The following OXA1L variants were observed in gnomAD, a reference collection of about 807,000 sequenced individuals.
OXA1L encodes OXA1L mitochondrial inner membrane insertase, also known as mitochondrial inner membrane protein OXA1L.
OXA1L carries 42 observed loss-of-function variants against 52.2 expected under a neutral mutation model. The ratio of observed to expected loss-of-function variants is 0.80; its 90% CI spans 0.63 to 1.04. OXA1L has a LOEUF of 1.04. Among genes scored for constraint, OXA1L ranks in the 50% least tolerant of loss-of-function variants. The probability of loss-of-function intolerance (pLI) is 0.00; values close to 1 mark genes in which losing one functional copy is unlikely to be tolerated. For missense variants in OXA1L, 572 were observed against 555.0 expected (o/e 1.03, Z -0.31); for synonymous variants, 239 against 201.9 (o/e 1.18, Z -1.56).
In OXA1L at chr14:22,770,220, T is replaced by C; in HGVS notation, c.611T>C (p.Leu204Pro). 1.2e-5 allele frequency: 19 copies of C among 1,612,572 alleles called. No homozygotes were observed. The highest frequency in any genetic ancestry group is 1.6e-5 in the Non-Finnish European group (19 of 1,178,606). ...EYYKASSEMA[L>P]YQKKHGIKLY... ...TACAAGGCTTCCTCGGAGATGGCAC[T>C]TTACCAGAAAAAACATGGTATTAAA... Residue 204 changes from leucine to proline, a missense_variant, in exon 5 of 10, where the codon CTT (leucine) becomes CCT (proline). Around this residue, in one of 5 missense-constraint regions of OXA1L, gnomAD observed 132 missense variants for 124.0 expected, o/e 1.06. Coordinates refer to ENST00000612549, the MANE Select transcript of OXA1L (RefSeq NM_005015.5).
At chr14:22,770,091 C>G (rs1344935395) in intron 4 of OXA1L, 102 bp from the exon 5 acceptor site, 1 of 1,345,046 alleles carries the variant, frequency 7.4e-7, no homozygotes, top group Non-Finnish European at 1.1e-6. Context: ...CAAGGAGTGG[C>G]CAGGGTTGGT....
rs150209502 is a variant in OXA1L, at chr14:22,770,237, G to A, written c.628G>A (p.Gly210Ser). The A allele has an allele frequency of 1.4e-5, 23 of 1,612,312 alleles. No homozygotes were observed. In the African/African-American group the frequency reaches 2.8e-4, roughly 20 times the overall value. ...SEMALYQKKH[G>S]IKLYKPLILP... ...GATGGCACTTTACCAGAAAAAACAT[G>A]GTATTAAACTCTATAAACCTCTCAT... Residue 210 changes from glycine to serine, a missense_variant, in exon 5 of 10, where the codon GGT (glycine) becomes AGT (serine). By Grantham distance (56) the Gly-to-Ser change is moderately conservative. This residue lies in a region of OXA1L where 132 missense variants were observed against 124.0 expected (regional missense o/e 1.06). Coordinates refer to ENST00000612549, the MANE Select transcript of OXA1L (RefSeq NM_005015.5).
chr14:22,767,471 G>C (rs1158871030), intron 2 of OXA1L, 62 bp downstream of exon 2: 2 of 1,472,032 alleles, frequency 1.4e-6, no homozygotes, highest in Non-Finnish European at 1.8e-6. Flanking sequence ...TTCATATTTT[G>C]TTTTGTTTGG....
Position 22,770,247 on chromosome 14 carries a change from T to C in OXA1L, c.638T>C (p.Leu213Pro). The C allele has an allele frequency of 6.2e-7, 1 of 1,611,276 alleles. No homozygotes were observed. Among genetic ancestry groups the C allele is most frequent in the Non-Finnish European group, 8.5e-7 (1 of 1,177,428 alleles). Residue 213 changes from leucine to proline, a missense_variant, in exon 5 of 10, where the codon CTC (leucine) becomes CCC (proline). Around this residue, in one of 5 missense-constraint regions of OXA1L, gnomAD observed 132 missense variants for 124.0 expected, o/e 1.06. Coordinates refer to ENST00000612549, the MANE Select transcript of OXA1L (RefSeq NM_005015.5). ...TACCAGAAAAAACATGGTATTAAACTCTATAAACCTCTCATTCTCCCTGTG... is the reference window on the plus strand; with the variant it reads ...TACCAGAAAAAACATGGTATTAAACCCTATAAACCTCTCATTCTCCCTGTG... Reference protein sequence around the residue: ...ALYQKKHGIKLYKPLILPVTQ... With the variant: ...ALYQKKHGIKPYKPLILPVTQ...
rs148216086 is a variant in OXA1L, at chr14:22,771,504, T to TAGC, written c.1265_1267dup (p.Ser422dup). 0.27 allele frequency: 437,922 copies of TAGC among 1,611,336 alleles called. 60,630 individuals are homozygous for TAGC. The highest frequency in any genetic ancestry group is 0.36 in the South Asian group (32,879 of 90,966). Reference sequence around the variant, plus strand: ...GAAAGGATAACCCTCCCAATATCCCTAGCAGCAGCAGCAAACCAAAGTCAA... The same window carrying TAGC: ...GAAAGGATAACCCTCCCAATATCCCTAGCAGCAGCAGCAGCAAACCAAAGTCAA... On this transcript the variant is annotated inframe_insertion, in exon 10 of 10. Transcript: ENST00000612549.
chr14:22,770,414 T>C, intron 5 of OXA1L, 47 bp from the exon 6 acceptor site: 1 of 1,599,786 alleles, frequency 6.3e-7, no homozygotes, highest in Non-Finnish European at 8.6e-7. Context: ...GTGATGAAAA[T>C]GTTCTCTCTG....
At position 22,769,677 on chromosome 14, in the gene OXA1L, T is replaced by A. The variant is rs2038440464; in HGVS notation, c.440-114T>A. ...TATTTCTGGGCCTCTTAGGCATGAG[T>A]CATAGAATGGACAAGGCAAGAATAA... is the stretch of plus-strand genomic sequence containing the variant. On this transcript the variant is annotated intron_variant, in intron 3 of 9. Transcript: ENST00000612549. 3 of 1,108,840 alleles carry A rather than the reference T, an allele frequency of 2.7e-6. No homozygotes were observed. In the Admixed American group the frequency reaches 5.8e-5, roughly 21 times the overall value. 68.7% of individuals were successfully genotyped at this position (1,108,840 alleles called of 1,614,324 possible).
Position 22,771,403 on chromosome 14 carries a change from C to T in OXA1L, c.1184-31C>T, listed in dbSNP as rs140080981. On this transcript the variant is annotated intron_variant, in intron 9 of 9. Transcript: ENST00000612549. ...CTTTTGTTTCTTCCTTTCTGTTCTT[C>T]GTTGAAATTTGTTTTCTCTTCTCCC... 3.8e-4 allele frequency: 621 copies of T among 1,613,924 alleles called. 3 individuals carry two copies. Among genetic ancestry groups the T allele is most frequent in the South Asian group, 2.1e-3 (188 of 91,072 alleles).
In OXA1L at chr14:22,770,547, G is replaced by A; in HGVS notation, c.756G>A (p.Trp252Ter). ...VPSLQTGGLW[W>*]FQDLTVSDPI... ...GCCTGCAGACAGGTGGCCTCTGGTGGTTCCAGGATCTCACGGTATCCGATC... is the reference window on the plus strand; with the variant it reads ...GCCTGCAGACAGGTGGCCTCTGGTGATTCCAGGATCTCACGGTATCCGATC... The change falls in exon 6 of 10, where the codon TGG becomes TGA. Residue 252 changes from tryptophan to a stop codon, truncating the protein, a stop_gained. Coordinates refer to ENST00000612549, the MANE Select transcript of OXA1L (RefSeq NM_005015.5). LOFTEE classifies it high-confidence loss of function. 6.2e-7 allele frequency: 1 copy of A among 1,614,136 alleles called. No individual in the cohort carries two copies. The highest frequency in any genetic ancestry group is 8.5e-7 in the Non-Finnish European group (1 of 1,180,006).
chr14:22,768,362 G>C, intron 3 of OXA1L, 191 bp downstream of exon 3: 1 of 589,114 alleles, frequency 1.7e-6, no homozygotes, highest in South Asian at 2.0e-5. Context: ...AAAACCACCA[G>C]ATCATCTGGG....
chr14:22,766,717 A>G lies in OXA1L; in HGVS notation c.16A>G (p.Met6Val), dbSNP rs148602805. 177 of 1,614,268 alleles carry G rather than the reference A, an allele frequency of 1.1e-4. No homozygotes were observed. In the African/African-American group the frequency reaches 1.9e-3, roughly 18 times the overall value. Residue 6 changes from methionine (M) to valine (V), a missense_variant, in exon 1 of 10, where the codon ATG (methionine) becomes GTG (valine). Physicochemically the swap from Met to Val is conservative, Grantham distance 21 (BLOSUM62 1). Around this residue, in one of 5 missense-constraint regions of OXA1L, gnomAD observed 186 missense variants for 151.8 expected, o/e 1.23. Transcript: ENST00000612549. MAMGLMCGRRELLRLL... is the reference protein window; with the variant it reads MAMGLVCGRRELLRLL... ...TCCGGGCAAAATGGCGATGGGACTA[A>G]TGTGCGGACGCCGGGAGCTTCTGCG...
intron 5 of OXA1L, 25 bp downstream of exon 5, chr14:22,770,303 A>G (rs2075846): frequency 0.44 from 682,864 of 1,553,570 alleles, 158,299 homozygotes; most frequent in East Asian, 0.69. Flanking sequence ...TTCCTTCCTT[A>G]TTTCATCCAG....
Position 22,770,457 on chromosome 14 carries a change from A to T in OXA1L, c.670-4A>T. On this transcript the variant is annotated splice_region_variant and splice_polypyrimidine_tract_variant and intron_variant, in intron 5 of 9. Coordinates refer to ENST00000612549, the MANE Select transcript of OXA1L (RefSeq NM_005015.5). ...ATGCTGACACTGTTTATCTTGTGTA[A>T]TAGGCCCCAATCTTCATCTCCTTCT... is the stretch of plus-strand genomic sequence containing the variant. 3 of 1,612,530 alleles carry T rather than the reference A, an allele frequency of 1.9e-6. No homozygotes were observed. Among genetic ancestry groups the T allele is most frequent in the Non-Finnish European group, 2.5e-6 (3 of 1,178,676 alleles).
At chr14:22,767,876 C>T in intron 2 of OXA1L, 82 bp from the exon 3 acceptor site, 1 of 1,063,398 alleles carries the variant, frequency 9.4e-7, no homozygotes, top group Non-Finnish European at 1.4e-6. Context: ...GAACAGAACC[C>T]AGTACTGGTT....
In OXA1L at chr14:22,770,202, C is replaced by T; in HGVS notation, c.593C>T (p.Ala198Val). 6.2e-7 allele frequency: 1 copy of T among 1,608,050 alleles called. No individual in the cohort carries two copies. The highest frequency in any genetic ancestry group is 8.5e-7 in the Non-Finnish European group (1 of 1,174,478). Residue 198 changes from alanine (A) to valine (V), a missense_variant, in exon 5 of 10, where the codon GCT (alanine) becomes GTT (valine). Transcript: ENST00000612549. ...LAGDHIEYYKASSEMALYQKK... is the reference protein window; with the variant it reads ...LAGDHIEYYKVSSEMALYQKK... ...TCCCCTCACCTCACAGATTACAAGG[C>T]TTCCTCGGAGATGGCACTTTACCAG...
chr14:22,770,743 T>A, intron 6 of OXA1L, 62 bp from the exon 7 acceptor site: 1 of 1,553,674 alleles, frequency 6.4e-7, no homozygotes, highest in Admixed American at 1.7e-5. Flanking sequence ...GGTAAGAGAT[T>A]AGAGACAGAT....
chr14:22,770,730 A>T (rs2038451231), intron 6 of OXA1L, 75 bp from the exon 7 acceptor site: 1 of 1,543,246 alleles, frequency 6.5e-7, no homozygotes. Flanking sequence ...GAAAGAGTTG[A>T]TGGGTAAGAG....
At chr14:22,769,638 C>T (rs2038440212) in intron 3 of OXA1L, among the ~76,000 whole-genome samples, 153 bp from the exon 4 acceptor site, 1 of 152,198 alleles carries the variant, frequency 6.6e-6, no homozygotes, top group Non-Finnish European at 1.5e-5. Context: ...GCAACTAATT[C>T]ATTCCCCTGA....
At position 22,772,444 on chromosome 14, in the gene OXA1L, G is replaced by A. The variant is rs1019742512; in HGVS notation, c.*886G>A. 2.2e-5 allele frequency: 3 copies of A among 133,754 alleles called. No individual in the cohort carries two copies. The highest frequency in any genetic ancestry group is 4.8e-4 in the East Asian group (2 of 4,180). The allele number at this position is 133,754 out of a possible 1,614,324, so 8.3% of individuals were successfully genotyped here. A position where few individuals can be genotyped will look rare whatever the true frequency, so the allele number is the denominator to read the frequency against. On this transcript the variant is annotated 3_prime_UTR_variant, in exon 10 of 10. Coordinates refer to ENST00000612549, the MANE Select transcript of OXA1L (RefSeq NM_005015.5). ...GCAGAGCTTGCAGTGAGCCGAGATT[G>A]CGCCACTGCACTCCAGCCTGGGCAA... is the stretch of plus-strand genomic sequence containing the variant.
Sources: allele counts gnomAD v4.1 joint callset (sites outside exome capture counted in the v4.1 genomes callset), GRCh38; gene constraint gnomAD v4.1.1; regional missense constraint gnomAD v4.1.1; transcripts MANE v1.5; gene names NCBI Gene and HGNC (gene_info 2026-07-23, HGNC 2026-07-21).